PRSS35: variants seen among roughly 807,000 people sequenced by gnomAD.
PRSS35 encodes the protein inactive serine protease 35.
Under a neutral mutation model 8.1 loss-of-function variants are expected in PRSS35, and 7 were observed. The observed-to-expected ratio is 0.86, with a 90% CI of 0.49 to 1.62. The LOEUF is 1.62. Among genes scored for constraint, PRSS35 ranks in the 40% most tolerant of loss-of-function variants. The probability of loss-of-function intolerance (pLI) is 0.00; values close to 1 mark genes in which losing one functional copy is unlikely to be tolerated. For missense variants in PRSS35, 566 were observed against 518.0 expected, an observed-to-expected ratio of 1.09 and a Z score of -0.90; for synonymous variants, 199 against 188.7, an observed-to-expected ratio of 1.05 and a Z score of -0.45.
rs980944830 is a variant in PRSS35, at chr6:83,524,784, T to C, written c.*101T>C. ...TCATAGGTTATGCCTGGACTTGAAC[T>C]CTGTCAATAGCATTTCAACATTTTT... On this transcript the variant is annotated 3_prime_UTR_variant, in exon 2 of 2. Coordinates refer to ENST00000369700, the MANE Select transcript of PRSS35 (RefSeq NM_153362.3). 42 of 1,198,542 alleles carry C rather than the reference T, an allele frequency of 3.5e-5. 1 individual carries two copies. In the South Asian group the frequency reaches 6.5e-4, roughly 19 times the overall value. 74.2% of individuals were successfully genotyped at this position (1,198,542 alleles called of 1,614,324 possible).
At position 83,524,936 on chromosome 6, in the gene PRSS35, T is replaced by C. The variant is rs1771911617; in HGVS notation, c.*253T>C. On this transcript the variant is annotated 3_prime_UTR_variant, in exon 2 of 2. Coordinates refer to ENST00000369700, the MANE Select transcript of PRSS35 (RefSeq NM_153362.3). ...ATGAGTTTCATTTGTAGAAAAATTTTGTTGCCTTCTTAAAAATTAGACACA... is the reference window on the plus strand; with the variant it reads ...ATGAGTTTCATTTGTAGAAAAATTTCGTTGCCTTCTTAAAAATTAGACACA... 2.6e-5 allele frequency: 11 copies of C among 421,166 alleles called. No individual in the cohort carries two copies. In the South Asian group the frequency reaches 7.1e-4, roughly 27 times the overall value. The allele number at this position is 421,166 out of a possible 1,614,324, so 26.1% of individuals were successfully genotyped here.
chr6:83,522,465 G>A (rs1465232055), intron 1 of PRSS35, among the ~76,000 whole-genome samples: 1 of 152,086 alleles, frequency 6.6e-6, no homozygotes, highest in South Asian at 2.1e-4. Flanking sequence ...TTATGTACTG[G>A]CACCTTTAAC....
chr6:83,519,168 A>G (rs1211490562), intron 1 of PRSS35, among the ~76,000 whole-genome samples: 1 of 152,200 alleles, frequency 6.6e-6, no homozygotes, highest in Non-Finnish European at 1.5e-5. Context: ...CAAATGTGTA[A>G]TTACATCTCT....
chr6:83,523,710 A>T lies in PRSS35; in HGVS notation c.269A>T (p.Asn90Ile). Reference sequence around the variant, plus strand: ...CTTTCCTATGAGACTGTCTTTGAGAATGGCACCCGAACCTTAACCAGGGTG... The same window carrying T: ...CTTTCCTATGAGACTGTCTTTGAGATTGGCACCCGAACCTTAACCAGGGTG... Reference protein sequence around the residue: ...DYLSYETVFENGTRTLTRVKV... With the variant: ...DYLSYETVFEIGTRTLTRVKV... The change falls in exon 2 of 2, where the codon AAT (asparagine) becomes ATT (isoleucine). Residue 90 changes from asparagine to isoleucine, a missense_variant. Physicochemically the swap from Asn to Ile is moderately radical, Grantham distance 149 (BLOSUM62 -3). Transcript: ENST00000369700. 1.2e-6 allele frequency: 2 copies of T among 1,614,202 alleles called. No homozygotes were observed. Among genetic ancestry groups the T allele is most frequent in the Non-Finnish European group, 1.7e-6 (2 of 1,180,040 alleles).
intron 1 of PRSS35, among the ~76,000 whole-genome samples, chr6:83,520,830 G>GT (rs1228098395): frequency 4.6e-5 from 7 of 152,166 alleles, no homozygotes; most frequent in Non-Finnish European, 8.8e-5. Context: ...CAGGATAAAC[G>GT]TAACTGGGGA....
chr6:83,523,893 C>G lies in PRSS35; in HGVS notation c.452C>G (p.Ser151Cys). 6.2e-7 allele frequency: 1 copy of G among 1,614,154 alleles called. No homozygotes were observed. The highest frequency in any genetic ancestry group is 8.5e-7 in the Non-Finnish European group (1 of 1,180,030). The part of the protein sequence containing the change: ...NFPFSTAVKL[S>C]TGCSGILISP... ...CCTTTCAGCACAGCTGTGAAGCTTT[C>G]CACGGGCTGTAGTGGCATTCTCATT... The change falls in exon 2 of 2, where the codon TCC becomes TGC. Residue 151 changes from serine (S) to cysteine (C), a missense_variant. Physicochemically the swap from Ser to Cys is moderately radical, Grantham distance 112. Transcript: ENST00000369700.
chr6:83,524,109 T>G lies in PRSS35; in HGVS notation c.668T>G (p.Leu223Arg). 1.2e-6 allele frequency: 2 copies of G among 1,613,904 alleles called. No homozygotes were observed. The highest frequency in any genetic ancestry group is 1.7e-6 in the Non-Finnish European group (2 of 1,179,912). The change falls in exon 2 of 2, where the codon CTG becomes CGG. Residue 223 changes from leucine (L) to arginine (R), a missense_variant. By Grantham distance (102) the Leu-to-Arg change is moderately radical (BLOSUM62 -2). Transcript: ENST00000369700. ...CAAAGAGAGGGTACCAGAGAGCATC[T>G]GCGGGAGAGAGCGAAGGGTGGGAGA... ...GDQREGTREH[L>R]RERAKGGRRR... is the part of the protein sequence containing the mutation.
rs1187882339 is a variant in PRSS35, at chr6:83,523,630, C to G, written c.189C>G (p.Gly63=). Residue 63 remains glycine, a synonymous_variant, in exon 2 of 2, where the codon GGC becomes GGG. Transcript: ENST00000369700. ...DAKMMVNTVC[G]IECQKELPTP... is the part of the protein sequence containing the mutation. ...AGATGATGGTAAATACAGTGTGTGGCATCGAATGCCAGAAAGAACTCCCAA... is the reference window on the plus strand; with the variant it reads ...AGATGATGGTAAATACAGTGTGTGGGATCGAATGCCAGAAAGAACTCCCAA... 1.2e-6 allele frequency: 2 copies of G among 1,614,042 alleles called. No individual in the cohort carries two copies. Among genetic ancestry groups the G allele is most frequent in the African/African-American group, 2.7e-5 (2 of 74,902 alleles).
In PRSS35 at chr6:83,524,051, A is replaced by G. The variant is rs769211650; in HGVS notation, c.610A>G (p.Lys204Glu). The G allele has an allele frequency of 6.2e-7, 1 of 1,614,186 alleles. No individual in the cohort carries two copies. The change falls in exon 2 of 2, where the codon AAG (lysine) becomes GAG (glutamate). Residue 204 changes from lysine (K) to glutamate (E), a missense_variant. Transcript: ENST00000369700. ...KSGGKKRRGS[K>E]RSRREASGGD... Reference sequence around the variant, plus strand: ...TGGAGGCAAGAAACGTCGAGGTTCTAAGAGGAGCAGGAGAGAAGCTAGTGG... The same window carrying G: ...TGGAGGCAAGAAACGTCGAGGTTCTGAGAGGAGCAGGAGAGAAGCTAGTGG...
In PRSS35 at chr6:83,524,308, A is replaced by G; in HGVS notation, c.867A>G (p.Lys289=). The change falls in exon 2 of 2, where the codon AAA becomes AAG. Residue 289 remains lysine (K), a synonymous_variant. Transcript: ENST00000369700. The stretch of plus-strand genomic sequence containing the variant: ...AGCTGAAGCGTGCTCACAAAAAGAA[A>G]TACATGGAACTTGGAATCAGCCCAA... The part of the protein sequence containing the change: ...LLELKRAHKK[K]YMELGISPTI... 3.1e-6 allele frequency: 5 copies of G among 1,614,170 alleles called. No individual in the cohort carries two copies. The highest frequency in any genetic ancestry group is 1.1e-5 in the South Asian group (1 of 91,074).
At chr6:83,515,547 C>A (rs1771697448) in intron 1 of PRSS35, among the ~76,000 whole-genome samples, 1 of 152,168 alleles carries the variant, frequency 6.6e-6, no homozygotes, top group African/African-American at 2.4e-5. Context: ...TCTAGTTGTC[C>A]AGGCTGGAGT....
chr6:83,524,306 A>G lies in PRSS35; in HGVS notation c.865A>G (p.Lys289Glu). The G allele has an allele frequency of 6.2e-7, 1 of 1,614,170 alleles. No homozygotes were observed. The highest frequency in any genetic ancestry group is 8.5e-7 in the Non-Finnish European group (1 of 1,180,042). ...GGAGCTGAAGCGTGCTCACAAAAAG[A>G]AATACATGGAACTTGGAATCAGCCC... The part of the protein sequence containing the change: ...LLELKRAHKK[K>E]YMELGISPTI... Residue 289 changes from lysine (K) to glutamate (E), a missense_variant, in exon 2 of 2, where the codon AAA becomes GAA. Lys to Glu is a moderately conservative substitution (Grantham distance 56, BLOSUM62 1). Transcript: ENST00000369700.
rs1771905905 is a variant in PRSS35 at position 83,524,713 on chromosome 6, C to T, written c.*30C>T. The T allele has an allele frequency of 1.9e-6, 3 of 1,562,146 alleles. No individual in the cohort carries two copies. In the East Asian group the frequency reaches 6.7e-5, roughly 35 times the overall value. On this transcript the variant is annotated 3_prime_UTR_variant, in exon 2 of 2. Transcript: ENST00000369700. The stretch of plus-strand genomic sequence containing the variant: ...GACCTGAAACAGGGCGGTGTATCAT[C>T]TAAATCACAGAGAAAACCAGCTCTG...
chr6:83,523,518 A>G lies in PRSS35; in HGVS notation c.77A>G (p.Asp26Gly). The G allele has an allele frequency of 6.2e-7, 1 of 1,614,034 alleles. No individual in the cohort carries two copies. The highest frequency in any genetic ancestry group is 8.5e-7 in the Non-Finnish European group (1 of 1,179,990). The change falls in exon 2 of 2, where the codon GAT becomes GGT. Residue 26 changes from aspartate to glycine, a missense_variant. Coordinates refer to ENST00000369700, the MANE Select transcript of PRSS35 (RefSeq NM_153362.3). ...ATTGATGGATCTGAAATGGAATGGGATTTTATGTGGCACTTGAGAAAGGTA... is the reference window on the plus strand; with the variant it reads ...ATTGATGGATCTGAAATGGAATGGGGTTTTATGTGGCACTTGAGAAAGGTA... Reference protein sequence around the residue: ...TLIDGSEMEWDFMWHLRKVPR... With the variant: ...TLIDGSEMEWGFMWHLRKVPR...
At chr6:83,518,368 G>C (rs1240841514) in intron 1 of PRSS35, among the ~76,000 whole-genome samples, 1 of 152,050 alleles carries the variant, frequency 6.6e-6, no homozygotes, top group Non-Finnish European at 1.5e-5. Flanking sequence ...CATAGACTCT[G>C]TTTCTTTTTA....
chr6:83,514,359 G>A (rs1196696125), intron 1 of PRSS35, among the ~76,000 whole-genome samples: 2 of 152,120 alleles, frequency 1.3e-5, no homozygotes, highest in African/African-American at 2.4e-5. Flanking sequence ...TGGAAAAATA[G>A]CCCCCAAACA....
At chr6:83,522,565 A>G (rs1295866945) in intron 1 of PRSS35, among the ~76,000 whole-genome samples, 2 of 152,314 alleles carry the variant, frequency 1.3e-5, no homozygotes, top group East Asian at 1.9e-4. Flanking sequence ...GTCCCCCCCA[A>G]ACAGCCTGTA....
At position 83,523,490 on chromosome 6, in the gene PRSS35, C is replaced by T; in HGVS notation, c.49C>T (p.Leu17Phe). 6.2e-7 allele frequency: 1 copy of T among 1,614,100 alleles called. No individual in the cohort carries two copies. ...WLIFFTPGWT[L>F]IDGSEMEWDF... ...GATATTTTTCACCCCTGGGTGGACC[C>T]TCATTGATGGATCTGAAATGGAATG... The change falls in exon 2 of 2, where the codon CTC (leucine) becomes TTC (phenylalanine). Residue 17 changes from leucine (L) to phenylalanine (F), a missense_variant. Leu to Phe is a conservative substitution (Grantham distance 22). Coordinates refer to ENST00000369700, the MANE Select transcript of PRSS35 (RefSeq NM_153362.3).
intron 1 of PRSS35, among the ~76,000 whole-genome samples, chr6:83,514,049 A>C (rs1004521796): frequency 6.6e-6 from 1 of 152,218 alleles, no homozygotes; most frequent in African/African-American, 2.4e-5. Context: ...AAGTTAAGTT[A>C]GTAGTATGCA....
Sources: allele counts gnomAD v4.1 joint callset (sites outside exome capture counted in the v4.1 genomes callset), GRCh38; gene constraint gnomAD v4.1.1; transcripts MANE v1.5; gene names NCBI Gene and HGNC (gene_info 2026-07-23, HGNC 2026-07-21).